Variants in YWHAQ observed in about 807,000 individuals in gnomAD.
The protein encoded by YWHAQ is 14-3-3 protein theta.
YWHAQ carries 6 observed loss-of-function variants against 28.3 expected under a neutral mutation model. That is an observed-to-expected ratio of 0.21 (90% confidence interval 0.12 to 0.42). The LOEUF (loss-of-function observed/expected upper bound fraction) is 0.42, where lower values mean the gene tolerates loss of function less well. Among genes scored for constraint, YWHAQ ranks in the 10% least tolerant of loss-of-function variants. YWHAQ has a pLI of 1.00. For missense variants in YWHAQ, 201 were observed against 305.6 expected (o/e 0.66, Z 2.55); for synonymous variants, 143 against 119.1 (o/e 1.20, Z -1.31).
At chr2:9,609,539 G>C (rs1190255963) in intron 2 of YWHAQ, among the ~76,000 whole-genome samples, 1 of 151,988 alleles carries the variant, frequency 6.6e-6, no homozygotes. Flanking sequence ...CCAGTAATGG[G>C]ATAAATACCT....
At chr2:9,617,885 C>T (rs1181643058) in intron 2 of YWHAQ, among the ~76,000 whole-genome samples, 1 of 151,658 alleles carries the variant, frequency 6.6e-6, no homozygotes, top group Non-Finnish European at 1.5e-5. Context: ...CATGACCGTG[C>T]CATTGTACTC....
chr2:9,587,044 G>C (rs1215482423), intron 5 of YWHAQ, among the ~76,000 whole-genome samples: 1 of 152,136 alleles, frequency 6.6e-6, no homozygotes, highest in Admixed American at 6.5e-5. Context: ...ATTAGAACAA[G>C]GTACTTCCTG....
chr2:9,592,195 G>C (rs186332861), intron 2 of YWHAQ, among the ~76,000 whole-genome samples: 315 of 152,324 alleles, frequency 2.1e-3, no homozygotes, highest in Non-Finnish European at 3.2e-3. Flanking sequence ...CAGGAATCGA[G>C]AGTAAGAGGT....
At position 9,591,897 on chromosome 2, in the gene YWHAQ, T is replaced by C. The variant is rs891351845; in HGVS notation, c.295-382A>G. Among the ~76,000 whole-genome samples, 6 of 152,298 alleles carry C rather than the reference T, an allele frequency of 3.9e-5. No homozygotes were observed. In the East Asian group the frequency reaches 1.2e-3, roughly 29 times the overall value. ...CTGCCCTCAAGAAGCTCACCGTCTG[T>C]AAGTACACCAACTACATACCAAGAA... On this transcript the variant is annotated intron_variant, in intron 2 of 5. Coordinates refer to ENST00000238081, the MANE Select transcript of YWHAQ (RefSeq NM_006826.4).
chr2:9,591,653 G>C, intron 2 of YWHAQ, 138 bp from the exon 3 acceptor site: 1 of 1,133,288 alleles, frequency 8.8e-7, no homozygotes, highest in South Asian at 2.1e-5. Context: ...GCCTGGACTT[G>C]AAGCATGTTC....
At chr2:9,586,445 A>G (rs1228212314) in intron 5 of YWHAQ, among the ~76,000 whole-genome samples, 1 of 152,222 alleles carries the variant, frequency 6.6e-6, no homozygotes, top group Non-Finnish European at 1.5e-5. Context: ...AAAATCCCCC[A>G]AAGACCTGTC....
At chr2:9,601,390 C>G (rs939881616) in intron 2 of YWHAQ, among the ~76,000 whole-genome samples, 5 of 152,106 alleles carry the variant, frequency 3.3e-5, no homozygotes, top group Admixed American at 2.0e-4. Flanking sequence ...ACCCAGGAGG[C>G]AGAGGTTGCA....
intron 2 of YWHAQ, among the ~76,000 whole-genome samples, chr2:9,595,176 A>G (rs1436286937): frequency 6.6e-6 from 1 of 152,182 alleles, no homozygotes; most frequent in African/African-American, 2.4e-5. Context: ...GTCTTTCCAT[A>G]TACTATCAGT....
Position 9,585,356 on chromosome 2 carries a change from A to G in YWHAQ, c.679-11T>C. ...GTCTGATGTCCAAAGCTAGAAAAAG[A>G]AGAATCATATTAAGTTACTATTTCT... On this transcript the variant is annotated splice_polypyrimidine_tract_variant and intron_variant, in intron 5 of 5. Coordinates refer to ENST00000238081, the MANE Select transcript of YWHAQ (RefSeq NM_006826.4). The G allele has an allele frequency of 6.2e-7, 1 of 1,614,034 alleles. No individual in the cohort carries two copies. The highest frequency in any genetic ancestry group is 8.5e-7 in the Non-Finnish European group (1 of 1,179,906).
chr2:9,624,756 T>A (rs1383086814), intron 2 of YWHAQ, among the ~76,000 whole-genome samples: 1 of 152,066 alleles, frequency 6.6e-6, no homozygotes, highest in Non-Finnish European at 1.5e-5. Context: ...TCACTCTTTT[T>A]TTTTTTTGAG....
intron 2 of YWHAQ, among the ~76,000 whole-genome samples, chr2:9,598,715 T>C (rs1173600559): frequency 1.3e-5 from 2 of 152,188 alleles, no homozygotes; most frequent in Non-Finnish European, 2.9e-5. Flanking sequence ...AATCGATATA[T>C]GCTGTGTCTG....
In YWHAQ at chr2:9,630,119, T is replaced by G. The variant is rs756308327; in HGVS notation, c.294+40A>C. The G allele has an allele frequency of 1.9e-6, 3 of 1,577,094 alleles. No individual in the cohort carries two copies. The highest frequency in any genetic ancestry group is 2.3e-5 in the South Asian group (2 of 87,738). ...CGCGAAACTCTCAATGAAAAGCATC[T>G]CACAAAAGGCCTCCCCTGCTCCCCG... On this transcript the variant is annotated intron_variant, in intron 2 of 5. Coordinates refer to ENST00000238081, the MANE Select transcript of YWHAQ (RefSeq NM_006826.4). This position sits in a 1 kb window ranked among gnomAD's most constrained non-coding sequence, Gnocchi z 5.6.
intron 2 of YWHAQ, among the ~76,000 whole-genome samples, chr2:9,607,423 A>G (rs961190480): frequency 1.3e-5 from 2 of 148,288 alleles, no homozygotes; most frequent in African/African-American, 5.0e-5. Context: ...TGGCTAGGCT[A>G]ATCTCGAACT....
intron 2 of YWHAQ, among the ~76,000 whole-genome samples, chr2:9,614,818 C>T (rs540868191): frequency 7.9e-5 from 12 of 152,184 alleles, no homozygotes; most frequent in Non-Finnish European, 1.8e-4. Context: ...ATACATTTAT[C>T]TCTGCAGCTG....
intron 2 of YWHAQ, among the ~76,000 whole-genome samples, chr2:9,602,980 C>T (rs1666746497): frequency 6.9e-6 from 1 of 145,742 alleles, no homozygotes; most frequent in South Asian, 2.2e-4. Context: ...GCTTCGGCCT[C>T]CCCAAGTGTT....
intron 2 of YWHAQ, among the ~76,000 whole-genome samples, chr2:9,621,141 CTCAT>C (rs1667134631): frequency 6.6e-6 from 1 of 152,116 alleles, no homozygotes; most frequent in Non-Finnish European, 1.5e-5. Flanking sequence ...TGCCGCTATT[CTCAT>C]TCAATTTTTT....
chr2:9,628,574 T>C (rs1667292309), intron 2 of YWHAQ: 1 of 152,250 alleles, frequency 6.6e-6, no homozygotes, highest in Non-Finnish European at 1.5e-5. Context: ...TGAAATATGC[T>C]GTAAGAGTAT....
intron 2 of YWHAQ, among the ~76,000 whole-genome samples, chr2:9,618,931 C>T (rs775686479): frequency 1.6e-4 from 25 of 152,042 alleles, no homozygotes; most frequent in Non-Finnish European, 3.2e-4. Flanking sequence ...TGACCTCCAC[C>T]CTTCCCCTTA....
At chr2:9,605,748 A>AG (rs1254383333) in intron 2 of YWHAQ, among the ~76,000 whole-genome samples, 3 of 147,374 alleles carry the variant, frequency 2.0e-5, no homozygotes, top group Admixed American at 1.4e-4. Flanking sequence ...TTTTTGGTAG[A>AG]GGGGGGTTTT....
Sources: gnomAD v4.1 joint callset for allele counts (sites outside exome capture counted in the v4.1 genomes callset) on GRCh38, gnomAD v4.1.1 for gene constraint, Gnocchi (gnomAD v3.1) non-coding constraint, MANE v1.5 for transcripts, NCBI Gene and HGNC (gene_info 2026-07-23, HGNC 2026-07-21) for gene names.